The following IGFN1 variants were observed in gnomAD, a reference collection of about 807,000 sequenced individuals.
The protein encoded by IGFN1 is immunoglobulin like and fibronectin type III domain containing 1, also known as immunoglobulin-like and fibronectin type III domain-containing protein 1.
Under a neutral mutation model 289.5 loss-of-function variants are expected in IGFN1, and 253 were observed. That is an observed-to-expected ratio of 0.87 (90% confidence interval 0.79 to 0.97). The LOEUF is 0.97. Among genes scored for constraint, IGFN1 ranks in the 50% least tolerant of loss-of-function variants. IGFN1 has a pLI of 0.00. For missense variants in IGFN1, 4,470 were observed against 4,686.1 expected, an observed-to-expected ratio of 0.95 and a Z score of 1.35; for synonymous variants, 1,706 against 1,788.5, an observed-to-expected ratio of 0.95 and a Z score of 1.16.
Position 201,207,148 on chromosome 1 carries a change from C to G in IGFN1, c.2255C>G (p.Ser752Ter), listed in dbSNP as rs1667463973. 1 of 1,536,866 alleles carries G rather than the reference C, an allele frequency of 6.5e-7. No homozygotes were observed. Among genetic ancestry groups the G allele is most frequent in the African/African-American group, 1.4e-5 (1 of 72,988 alleles). ...AGTCCTGAGATCAAAGCTGAAGACTCACTGCAGGAGGCAGATGGTATATGC... is the reference window on the plus strand; with the variant it reads ...AGTCCTGAGATCAAAGCTGAAGACTGACTGCAGGAGGCAGATGGTATATGC... ...DGSPEIKAED[S>*]LQEADGICRG... is the part of the protein sequence containing the mutation. The change falls in exon 12 of 24, where the codon TCA becomes TGA. Residue 752 changes from serine to a stop codon, truncating the protein, a stop_gained. Coordinates refer to ENST00000335211, the MANE Select transcript of IGFN1 (RefSeq NM_001164586.2). LOFTEE classifies it high-confidence loss of function.
chr1:201,221,546 A>G lies in IGFN1; in HGVS notation c.10001A>G (p.Gln3334Arg). 1.2e-6 allele frequency: 2 copies of G among 1,614,180 alleles called. No individual in the cohort carries two copies. The highest frequency in any genetic ancestry group is 1.7e-6 in the Non-Finnish European group (2 of 1,180,010). The change falls in exon 19 of 24, where the codon CAG (glutamine) becomes CGG (arginine). Residue 3334 changes from glutamine (Q) to arginine (R), a missense_variant. By Grantham distance (43) the Gln-to-Arg change is conservative (BLOSUM62 1). Transcript: ENST00000335211. Reference protein sequence around the residue: ...GPDTQEGDEAQGYVVELCSSD... With the variant: ...GPDTQEGDEARGYVVELCSSD... Reference sequence around the variant, plus strand: ...GACACCCAGGAAGGGGATGAAGCCCAGGGGTATGTGGTGGAGCTGTGCAGC... The same window carrying G: ...GACACCCAGGAAGGGGATGAAGCCCGGGGGTATGTGGTGGAGCTGTGCAGC...
chr1:201,226,726 G>A (rs1265682030), intron 22 of IGFN1, among the ~76,000 whole-genome samples, 156 bp from the exon 23 acceptor site: 2 of 152,298 alleles, frequency 1.3e-5, no homozygotes, highest in Admixed American at 6.5e-5. Context: ...GATAGAATGA[G>A]GCAAGCCTTG....
rs1466972391 is a variant in IGFN1, at chr1:201,211,371, T to C, written c.6478T>C (p.Phe2160Leu). The change falls in exon 12 of 24, where the codon TTT becomes CTT. Residue 2160 changes from phenylalanine (F) to leucine (L), a missense_variant. Physicochemically the swap from Phe to Leu is conservative, Grantham distance 22. Coordinates refer to ENST00000335211, the MANE Select transcript of IGFN1 (RefSeq NM_001164586.2). Reference sequence around the variant, plus strand: ...AATGGGTTCAGAGAGTAAGGCAGGTTTTAGGGATGGTTTAGGGAGTTCTGG... The same window carrying C: ...AATGGGTTCAGAGAGTAAGGCAGGTCTTAGGGATGGTTTAGGGAGTTCTGG... ...KGMGSESKAG[F>L]RDGLGSSGEM... 6.7e-7 allele frequency: 1 copy of C among 1,490,956 alleles called. No homozygotes were observed. The highest frequency in any genetic ancestry group is 2.1e-5 in the Admixed American group (1 of 48,642). 92.4% of individuals were successfully genotyped at this position (1,490,956 alleles called of 1,614,324 possible).
rs533334178 is a variant in IGFN1 at position 201,214,080 on chromosome 1, C to A, written c.8729-97C>A. Reference sequence around the variant, plus strand: ...GGGAACCAGCCCTGCTGACACCAGCCAAGCCCAGTTGGCAGGACCATGGTG... The same window carrying A: ...GGGAACCAGCCCTGCTGACACCAGCAAAGCCCAGTTGGCAGGACCATGGTG... On this transcript the variant is annotated intron_variant, in intron 12 of 23. Coordinates refer to ENST00000335211, the MANE Select transcript of IGFN1 (RefSeq NM_001164586.2). The A allele has an allele frequency of 1.3e-5, 17 of 1,324,274 alleles. No homozygotes were observed. In the Admixed American group the frequency reaches 2.9e-4, roughly 23 times the overall value. 82.0% of individuals were successfully genotyped at this position (1,324,274 alleles called of 1,614,324 possible).
Position 201,208,981 on chromosome 1 carries a change from G to A in IGFN1, c.4088G>A (p.Gly1363Asp), listed in dbSNP as rs892758618. The A allele has an allele frequency of 4.6e-6, 7 of 1,536,422 alleles. No individual in the cohort carries two copies. The highest frequency in any genetic ancestry group is 1.7e-4 in the Middle Eastern group (1 of 6,010). Residue 1363 changes from glycine to aspartate, a missense_variant, in exon 12 of 24, where the codon GGT becomes GAT. Physicochemically the swap from Gly to Asp is moderately conservative, Grantham distance 94 (BLOSUM62 -1). Transcript: ENST00000335211. ...GSGSKADYSG[G>D]LKGSREIGSM... Reference sequence around the variant, plus strand: ...GGGAGCAAGGCAGATTATAGCGGTGGTTTAAAGGGTTCCAGGGAAATCGGG... The same window carrying A: ...GGGAGCAAGGCAGATTATAGCGGTGATTTAAAGGGTTCCAGGGAAATCGGG...
rs1359502851 is a variant in IGFN1, at chr1:201,190,903, C to G, written c.-52C>G. ...CAGGAAGCGGGAGGTCAGCTGTACA[C>G]CCAGGTAAGTGGGTGCTCACACCTG... On this transcript the variant is annotated 5_prime_UTR_variant, in exon 1 of 24. Coordinates refer to ENST00000335211, the MANE Select transcript of IGFN1 (RefSeq NM_001164586.2). 6.6e-6 allele frequency: 1 copy of G among 152,344 alleles called. No individual in the cohort carries two copies. Among genetic ancestry groups the G allele is most frequent in the Non-Finnish European group, 1.5e-5 (1 of 68,216 alleles). 9.4% of individuals were successfully genotyped at this position (152,344 alleles called of 1,614,324 possible).
In IGFN1 at chr1:201,221,745, T is replaced by C. The variant is rs1298914422; in HGVS notation, c.10200T>C (p.Thr3400=). 5 of 1,578,456 alleles carry C rather than the reference T, an allele frequency of 3.2e-6. No homozygotes were observed. The Admixed American group carries it at 8.6e-5, about 27-fold the overall frequency. The change falls in exon 19 of 24, where the codon ACT becomes ACC. Residue 3400 remains threonine, a splice_region_variant and synonymous_variant. Transcript: ENST00000335211. ...CATTAGTGCAAGCCATGCCTGTTACTGGTGAGTGCTGCCTCCTTCCCCGAC... is the reference window on the plus strand; with the variant it reads ...CATTAGTGCAAGCCATGCCTGTTACCGGTGAGTGCTGCCTCCTTCCCCGAC... The part of the protein sequence containing the change: ...LDTLVQAMPV[T]VCPKFLVDSS...
In IGFN1 at chr1:201,208,576, T is replaced by C; in HGVS notation, c.3683T>C (p.Val1228Ala). 1 of 1,476,652 alleles carries C rather than the reference T, an allele frequency of 6.8e-7. No individual in the cohort carries two copies. The highest frequency in any genetic ancestry group is 8.9e-7 in the Non-Finnish European group (1 of 1,122,100). 91.5% of individuals were successfully genotyped at this position (1,476,652 alleles called of 1,614,324 possible). A position where few individuals can be genotyped will look rare whatever the true frequency, so the allele number is the denominator to read the frequency against. Residue 1228 changes from valine (V) to alanine (A), a missense_variant, in exon 12 of 24, where the codon GTC becomes GCC. Around this residue, in one of 8 missense-constraint regions of IGFN1, gnomAD observed 2,011 missense variants for 1,953.4 expected, o/e 1.03. Transcript: ENST00000335211. ...CTTCCAGGGCCTCAGGGAACTGGGG[T>C]CAGAACAGCCTATGGAGAAAGGTCA... ...SELPGPQGTGVRTAYGERSRG... is the reference protein window; with the variant it reads ...SELPGPQGTGARTAYGERSRG...
intron 5 of IGFN1, among the ~76,000 whole-genome samples, chr1:201,198,394 C>G (rs1667004375): frequency 6.6e-6 from 1 of 152,180 alleles, no homozygotes; most frequent in African/African-American, 2.4e-5. Flanking sequence ...CCTCGGCCTC[C>G]CAAAGTGCTG....
At position 201,209,417 on chromosome 1, in the gene IGFN1, G is replaced by A. The variant is rs564197658; in HGVS notation, c.4524G>A (p.Gly1508=). 67 of 1,531,390 alleles carry A rather than the reference G, an allele frequency of 4.4e-5. 2 individuals carry two copies. The South Asian group carries it at 7.4e-4, about 17-fold the overall frequency. The allele number at this position is 1,531,390 out of a possible 1,614,324, so 94.9% of individuals were successfully genotyped here. The change falls in exon 12 of 24, where the codon GGG becomes GGA. Residue 1508 remains glycine, a synonymous_variant. Coordinates refer to ENST00000335211, the MANE Select transcript of IGFN1 (RefSeq NM_001164586.2). ...DLGVSEGGGS[G]SKAGYRGGLG... is the part of the protein sequence containing the mutation. The stretch of plus-strand genomic sequence containing the variant: ...GGGTTTCTGAGGGAGGGGGTTCAGG[G>A]AGCAAAGCAGGTTATAGGGGTGGCT...
chr1:201,201,782 G>A lies in IGFN1; in HGVS notation c.697G>A (p.Asp233Asn). The change falls in exon 9 of 24, where the codon GAC (aspartate) becomes AAC (asparagine). Residue 233 changes from aspartate to asparagine, a missense_variant. Coordinates refer to ENST00000335211, the MANE Select transcript of IGFN1 (RefSeq NM_001164586.2). ...RVTKDGNAKF[D>N]LELDLKDSQS... Reference sequence around the variant, plus strand: ...CACCAAGGATGGGAATGCAAAGTTTGACTTGGAGCTGGATCTCAAGGATTC... The same window carrying A: ...CACCAAGGATGGGAATGCAAAGTTTAACTTGGAGCTGGATCTCAAGGATTC... 6.5e-7 allele frequency: 1 copy of A among 1,549,020 alleles called. No individual in the cohort carries two copies. Among genetic ancestry groups the A allele is most frequent in the African/African-American group, 1.4e-5 (1 of 73,050 alleles).
In IGFN1 at chr1:201,211,511, G is replaced by A. The variant is rs777685703; in HGVS notation, c.6618G>A (p.Met2206Ile). ...FRDGLGGSEE[M>I]GSVNKAGYRK... ...ATGGTTTAGGGGGTTCTGAAGAAATGGGGTCAGTGAATAAGGCAGGTTATA... is the reference window on the plus strand; with the variant it reads ...ATGGTTTAGGGGGTTCTGAAGAAATAGGGTCAGTGAATAAGGCAGGTTATA... Residue 2206 changes from methionine (M) to isoleucine (I), a missense_variant, in exon 12 of 24, where the codon ATG becomes ATA. By Grantham distance (10) the Met-to-Ile change is conservative. Coordinates refer to ENST00000335211, the MANE Select transcript of IGFN1 (RefSeq NM_001164586.2). 5 of 1,502,796 alleles carry A rather than the reference G, an allele frequency of 3.3e-6. No homozygotes were observed. Among genetic ancestry groups the A allele is most frequent in the Admixed American group, 4.1e-5 (2 of 48,650 alleles). 93.1% of individuals were successfully genotyped at this position (1,502,796 alleles called of 1,614,324 possible). A position where few individuals can be genotyped will look rare whatever the true frequency, so the allele number is the denominator to read the frequency against.
chr1:201,222,951 A>G (rs1479052253), intron 20 of IGFN1, 124 bp downstream of exon 20: 1 of 569,612 alleles, frequency 1.8e-6, no homozygotes, highest in Non-Finnish European at 3.1e-6. Context: ...TGTGGAAATC[A>G]CTGACTGGGC....
rs1667581651 is a variant in IGFN1, at chr1:201,209,125, G to C, written c.4232G>C (p.Arg1411Thr). 6.5e-7 allele frequency: 1 copy of C among 1,532,968 alleles called. No homozygotes were observed. Among genetic ancestry groups the C allele is most frequent in the African/African-American group, 1.4e-5 (1 of 72,386 alleles). The allele number at this position is 1,532,968 out of a possible 1,614,324, so 95.0% of individuals were successfully genotyped here. Residue 1411 changes from arginine to threonine, a missense_variant, in exon 12 of 24, where the codon AGG (arginine) becomes ACG (threonine). Coordinates refer to ENST00000335211, the MANE Select transcript of IGFN1 (RefSeq NM_001164586.2). ...GGGTCACTGGATGAGTCAGGTCATA[G>C]GAATGGGATTGGAGGTTATGGGGAA... The part of the protein sequence containing the change: ...EMGSLDESGH[R>T]NGIGGYGEMG...
At chr1:201,191,896 G>T (rs1223413475) in intron 1 of IGFN1, among the ~76,000 whole-genome samples, 1 of 150,824 alleles carries the variant, frequency 6.6e-6, no homozygotes, top group African/African-American at 2.4e-5. Flanking sequence ...TGATGACTCA[G>T]ATAGCTGTGT....
chr1:201,212,488 G>C lies in IGFN1; in HGVS notation c.7595G>C (p.Gly2532Ala), dbSNP rs1311208722. 5 of 1,541,570 alleles carry C rather than the reference G, an allele frequency of 3.2e-6. No homozygotes were observed. In the African/African-American group the frequency reaches 5.5e-5, roughly 17 times the overall value. The change falls in exon 12 of 24, where the codon GGG becomes GCG. Residue 2532 changes from glycine to alanine, a missense_variant. By Grantham distance (60) the Gly-to-Ala change is moderately conservative. Around this residue, in one of 8 missense-constraint regions of IGFN1, gnomAD observed 2,218 missense variants for 2,114.1 expected, o/e 1.05. Coordinates refer to ENST00000335211, the MANE Select transcript of IGFN1 (RefSeq NM_001164586.2). ...GCTTCTGGGTTTCTTGATGGCAAGG[G>C]GGCAGTGGAAGGTGAGACCTGGGCA... The part of the protein sequence containing the change: ...MGASGFLDGK[G>A]AVEGETWAGM...
intron 12 of IGFN1, 65 bp downstream of exon 12, chr1:201,213,686 G>C (rs1005990580): frequency 3.0e-6 from 4 of 1,337,750 alleles, no homozygotes; most frequent in Non-Finnish European, 4.2e-6. Flanking sequence ...CCTGGCCACT[G>C]GGATGCTTGG....
chr1:201,207,728 G>C lies in IGFN1; in HGVS notation c.2835G>C (p.Leu945Phe). Residue 945 changes from leucine (L) to phenylalanine (F), a missense_variant, in exon 12 of 24, where the codon TTG (leucine) becomes TTC (phenylalanine). Physicochemically the swap from Leu to Phe is conservative, Grantham distance 22. Around this residue, in one of 8 missense-constraint regions of IGFN1, gnomAD observed 2,011 missense variants for 1,953.4 expected, o/e 1.03. Transcript: ENST00000335211. The part of the protein sequence containing the change: ...PRGETGYKDG[L>F]EGPGRMESRY... ...GTGAGACAGGCTATAAGGATGGCTT[G>C]GAAGGTCCCGGGAGAATGGAATCTA... is the stretch of plus-strand genomic sequence containing the variant. 1 of 1,537,090 alleles carries C rather than the reference G, an allele frequency of 6.5e-7. No homozygotes were observed. Among genetic ancestry groups the C allele is most frequent in the Non-Finnish European group, 8.7e-7 (1 of 1,146,858 alleles).
rs1190276568 is a variant in IGFN1, at chr1:201,218,604, G to T, written c.9844G>T (p.Gly3282Cys). ...EFRVTAVAPS[G>C]PGEPGPPSDA... ...CCGGGTCACAGCTGTGGCTCCCTCA[G>T]GTCCCGGAGAGCCTGGACCTCCATC... is the stretch of plus-strand genomic sequence containing the variant. The change falls in exon 18 of 24, where the codon GGT (glycine) becomes TGT (cysteine). Residue 3282 changes from glycine to cysteine, a missense_variant. By Grantham distance (159) the Gly-to-Cys change is radical (BLOSUM62 -3). Coordinates refer to ENST00000335211, the MANE Select transcript of IGFN1 (RefSeq NM_001164586.2). The T allele has an allele frequency of 3.1e-6, 5 of 1,612,698 alleles. No homozygotes were observed. In the South Asian group the frequency reaches 5.5e-5, roughly 18 times the overall value.
Sources: allele counts gnomAD v4.1 joint callset (sites outside exome capture counted in the v4.1 genomes callset), GRCh38; gene constraint gnomAD v4.1.1; regional missense constraint gnomAD v4.1.1; transcripts MANE v1.5; gene names NCBI Gene and HGNC (gene_info 2026-07-23, HGNC 2026-07-21).